EPB41L4A: variants seen among roughly 807,000 people sequenced by gnomAD.
EPB41L4A encodes the protein band 4.1-like protein 4A.
In EPB41L4A, 100 loss-of-function variants were observed where a neutral mutation model predicts 108.6. The observed-to-expected ratio is 0.92, with a 90% CI of 0.78 to 1.09. EPB41L4A has a LOEUF of 1.09. Among genes scored for constraint, EPB41L4A ranks in the 50% least tolerant of loss-of-function variants. The pLI, the probability that EPB41L4A is intolerant of heterozygous loss-of-function variation, is 0.00. For missense variants in EPB41L4A, 1,030 were observed against 842.7 expected (o/e 1.22, Z -2.75); for synonymous variants, 319 against 289.0 (o/e 1.10, Z -1.05).
intron 1 of EPB41L4A, among the ~76,000 whole-genome samples, chr5:112,336,166 T>C (rs939673184): frequency 1.3e-5 from 2 of 152,164 alleles, no homozygotes; most frequent in African/African-American, 4.8e-5. Context: ...GAGAAAGCAG[T>C]CACACATTAC....
At chr5:112,199,997 G>T (rs1256366085) in intron 15 of EPB41L4A, among the ~76,000 whole-genome samples, 1 of 152,170 alleles carries the variant, frequency 6.6e-6, no homozygotes, top group Non-Finnish European at 1.5e-5. Flanking sequence ...TGATGTTATT[G>T]TACTTCCTGT....
At chr5:112,378,500 A>T (rs929197154) in intron 1 of EPB41L4A, among the ~76,000 whole-genome samples, 3 of 152,226 alleles carry the variant, frequency 2.0e-5, no homozygotes, top group African/African-American at 4.8e-5. Context: ...AACAGCCATA[A>T]GAAATATAGA....
chr5:112,391,308 C>T (rs567134547), intron 1 of EPB41L4A, among the ~76,000 whole-genome samples: 8 of 152,072 alleles, frequency 5.3e-5, no homozygotes, highest in East Asian at 1.9e-4. Context: ...GCAAACCCAT[C>T]GCAAGGAAGC....
rs139943557 is a variant in EPB41L4A at position 112,343,297 on chromosome 5, T to G, written c.100-35807A>C. 2.0e-5 allele frequency among the ~76,000 whole-genome samples: 3 copies of G among 152,158 alleles called. No homozygotes were observed. The East Asian group carries it at 5.8e-4, about 29-fold the overall frequency. ...TCTGCTTAAGAAGAAATATATAGTA[T>G]GGAGACAAGGTACTACAGTGATTAA... On this transcript the variant is annotated intron_variant, in intron 1 of 22. Coordinates refer to ENST00000261486, the MANE Select transcript of EPB41L4A (RefSeq NM_022140.5).
At position 112,259,286 on chromosome 5, in the gene EPB41L4A, C is replaced by A. The variant is rs377566628; in HGVS notation, c.738G>T (p.Arg246=). Residue 246 remains arginine, a synonymous_variant, in exon 9 of 23, where the codon CGG becomes CGT. Coordinates refer to ENST00000261486, the MANE Select transcript of EPB41L4A (RefSeq NM_022140.5). ...TCTCCTTGAAGTGAACCTTTGTAAT[C>A]CGAGGCCTAAAAAACAAAGCAGATG... The part of the protein sequence containing the change: ...KKQVGKYFWP[R]ITKVHFKETQ... 10 of 1,613,728 alleles carry A rather than the reference C, an allele frequency of 6.2e-6. No homozygotes were observed. The highest frequency in any genetic ancestry group is 1.6e-4 in the Middle Eastern group (1 of 6,084).
At chr5:112,402,158 T>A (rs1260726543) in intron 1 of EPB41L4A, among the ~76,000 whole-genome samples, 1 of 152,126 alleles carries the variant, frequency 6.6e-6, no homozygotes, top group African/African-American at 2.4e-5. Flanking sequence ...GCTGTTCTCA[T>A]GATAGTGAGT....
intron 1 of EPB41L4A, among the ~76,000 whole-genome samples, chr5:112,314,509 A>T (rs1755283602): frequency 1.8e-4 from 4 of 22,158 alleles, no homozygotes; most frequent in Non-Finnish European, 3.9e-4. Context: ...CGCTACTAAA[A>T]AAAAAAAAAA....
chr5:112,268,798 GC>G (rs1752048814), intron 4 of EPB41L4A, among the ~76,000 whole-genome samples: 1 of 123,870 alleles, frequency 8.1e-6, no homozygotes. Context: ...AACCATAACT[GC>G]ACCACTGCAC....
At chr5:112,279,314 G>C (rs1421732145) in intron 3 of EPB41L4A, among the ~76,000 whole-genome samples, 1 of 152,070 alleles carries the variant, frequency 6.6e-6, no homozygotes, top group African/African-American at 2.4e-5. Flanking sequence ...TGGATCCATG[G>C]AGCATCGCAC....
intron 19 of EPB41L4A, among the ~76,000 whole-genome samples, chr5:112,170,703 C>G (rs1181035473): frequency 6.6e-6 from 1 of 152,108 alleles, no homozygotes; most frequent in Non-Finnish European, 1.5e-5. Context: ...ATTGGCCTGT[C>G]TGAGGTCCAT....
At chr5:112,151,531 C>A (rs1759469527) in intron 12 of EPB41L4A, among the ~76,000 whole-genome samples, 1 of 151,868 alleles carries the variant, frequency 6.6e-6, no homozygotes, top group African/African-American at 2.4e-5. Context: ...CCTCAGTCTC[C>A]AAAGTAGCTG....
chr5:112,236,568 T>C (rs1212915316), intron 11 of EPB41L4A, among the ~76,000 whole-genome samples: 1 of 152,354 alleles, frequency 6.6e-6, no homozygotes, highest in East Asian at 1.9e-4. Flanking sequence ...TATGGAGATT[T>C]ACAGTGTAAG....
chr5:112,333,884 A>G (rs1011373772), intron 1 of EPB41L4A, among the ~76,000 whole-genome samples: 2 of 152,180 alleles, frequency 1.3e-5, no homozygotes, highest in African/African-American at 4.8e-5. Context: ...CTCAGCACCA[A>G]CCTTAGATCA....
chr5:112,157,885 G>C (rs1580334043), downstream of EPB41L4A, among the ~76,000 whole-genome samples: 1 of 152,170 alleles, frequency 6.6e-6, no homozygotes, highest in African/African-American at 2.4e-5. Flanking sequence ...TGTGTGGCTT[G>C]AACATCCTTA....
Position 112,183,998 on chromosome 5 carries a change from T to C in EPB41L4A, c.1622+18A>G, listed in dbSNP as rs770520973. 1 of 1,613,680 alleles carries C rather than the reference T, an allele frequency of 6.2e-7. No individual in the cohort carries two copies. The highest frequency in any genetic ancestry group is 1.1e-5 in the South Asian group (1 of 90,964). ...AATTCAGTGTTTTTGAATCAAGGTA[T>C]AAAAAGAGTCCACATACGAACGAGA... On this transcript the variant is annotated intron_variant, in intron 18 of 22. Coordinates refer to ENST00000261486, the MANE Select transcript of EPB41L4A (RefSeq NM_022140.5).
chr5:112,204,530 C>CT, intron 14 of EPB41L4A, 42 bp from the exon 15 acceptor site: 1 of 1,362,218 alleles, frequency 7.3e-7, no homozygotes, highest in Non-Finnish European at 1.1e-6. Context: ...CCAGAGAGTT[C>CT]CTGGGGGAAA....
chr5:112,154,294 G>T (rs1161342804), intron 12 of EPB41L4A, among the ~76,000 whole-genome samples: 2 of 152,052 alleles, frequency 1.3e-5, no homozygotes, highest in African/African-American at 4.8e-5. Flanking sequence ...ACGCACTCAG[G>T]GCTTTACGAT....
intron 2 of EPB41L4A, among the ~76,000 whole-genome samples, chr5:112,293,170 G>C (rs1221446004): frequency 1.3e-5 from 2 of 151,872 alleles, no homozygotes; most frequent in Non-Finnish European, 2.9e-5. Flanking sequence ...TTGTTATTAA[G>C]TACTTTGTAC....
chr5:112,168,757 C>T lies in EPB41L4A; in HGVS notation c.1914G>A (p.Gly638=). The T allele has an allele frequency of 3.7e-6, 6 of 1,613,874 alleles. No homozygotes were observed. Among genetic ancestry groups the T allele is most frequent in the Non-Finnish European group, 5.1e-6 (6 of 1,179,778 alleles). The stretch of plus-strand genomic sequence containing the variant: ...TACTAACCTGATGAACTGTAGCATC[C>T]CCAGAACCCTGAGCATCCGAAGAAC... ...VTRSSDAQGS[G]DATVHQRRNG... is the part of the protein sequence containing the mutation. Residue 638 remains glycine, a synonymous_variant, in exon 22 of 23, where the codon GGG becomes GGA. Transcript: ENST00000261486.
Sources: allele counts gnomAD v4.1 joint callset (sites outside exome capture counted in the v4.1 genomes callset), GRCh38; gene constraint gnomAD v4.1.1; transcripts MANE v1.5; gene names NCBI Gene and HGNC (gene_info 2026-07-23, HGNC 2026-07-21).